CARD14: variants seen among roughly 807,000 people sequenced by gnomAD.
The protein encoded by CARD14 is caspase recruitment domain family member 14, also known as caspase recruitment domain-containing protein 14.
Under a neutral mutation model 111.5 loss-of-function variants are expected in CARD14, and 107 were observed. That is an observed-to-expected ratio of 0.96 (90% CI 0.82 to 1.13). The LOEUF is 1.13. Among genes scored for constraint, CARD14 ranks in the 50% most tolerant of loss-of-function variants. CARD14 has a pLI of 0.00. For missense variants in CARD14, 1,322 were observed against 1,362.3 expected, an observed-to-expected ratio of 0.97 and a Z score of 0.47; for synonymous variants, 617 against 579.6, an observed-to-expected ratio of 1.06 and a Z score of -0.93.
At chr17:80,187,312 G>A (rs1352576622) in intron 7 of CARD14, among the ~76,000 whole-genome samples, 13 of 152,122 alleles carry the variant, frequency 8.5e-5, no homozygotes, top group Admixed American at 7.9e-4. Flanking sequence ...ACCTCCCCCC[G>A]CCAGCCAATC....
rs2041361338 is a variant in CARD14 at position 80,207,074 on chromosome 17, A to C, written c.2796A>C (p.Ala932=). The part of the protein sequence containing the change: ...VIHVSVNEKM[A]KKLKKGLQRL... ...ACGTCTCTGTCAACGAGAAGATGGC[A>C]AAGAAGCTCAAGTAGGTGCACGCTG... Residue 932 remains alanine (A), a synonymous_variant, in exon 23 of 24, where the codon GCA becomes GCC. Transcript: ENST00000648509. The C allele has an allele frequency of 6.2e-7, 1 of 1,613,404 alleles. No individual in the cohort carries two copies. The highest frequency in any genetic ancestry group is 1.3e-5 in the African/African-American group (1 of 75,040).
At chr17:80,204,918 A>T (rs750388983) in intron 20 of CARD14, 117 bp from the exon 21 acceptor site, 13 of 855,078 alleles carry the variant, frequency 1.5e-5, no homozygotes, top group East Asian at 1.4e-4. Flanking sequence ...TGCCCCTGGA[A>T]TTCTAGGTGC....
At chr17:80,187,974 T>C in intron 7 of CARD14, 3 of 987,340 alleles carry the variant, frequency 3.0e-6, no homozygotes, top group Non-Finnish European at 3.6e-6. Flanking sequence ...TCTTACTGAT[T>C]TCCATGACTC....
In CARD14 at chr17:80,199,561, C is replaced by CAA. The variant is rs34737700; in HGVS notation, c.1851+989_1851+990dup. Among the ~76,000 whole-genome samples, 373 of 68,756 alleles carry CAA rather than the reference C, an allele frequency of 5.4e-3. 8 individuals carry two copies. The highest frequency in any genetic ancestry group is 0.015 in the African/African-American group (242 of 16,284). 45.1% of individuals were successfully genotyped at this position (68,756 alleles called of 152,430 possible). ...TGGGTGACAGAGCAAAGCCTTGTCT[C>CAA]AAAAAAAAAAAAAAAAAAAAGAAAA... On this transcript the variant is annotated intron_variant, in intron 16 of 23. Coordinates refer to ENST00000648509, the MANE Select transcript of CARD14 (RefSeq NM_001366385.1).
chr17:80,184,078 A>C lies in CARD14; in HGVS notation c.515A>C (p.Gln172Pro), dbSNP rs1397630527. 6.3e-7 allele frequency: 1 copy of C among 1,585,604 alleles called. No homozygotes were observed. Among genetic ancestry groups the C allele is most frequent in the Non-Finnish European group, 8.6e-7 (1 of 1,166,694 alleles). Residue 172 changes from glutamine (Q) to proline (P), a missense_variant, in exon 7 of 24, where the codon CAG (glutamine) becomes CCG (proline). Gln to Pro is a moderately conservative substitution (Grantham distance 76). Coordinates refer to ENST00000648509, the MANE Select transcript of CARD14 (RefSeq NM_001366385.1). ...LAETRAEGLH[Q>P]LEADHSRMKR... ...GAGACCCGTGCCGAGGGCCTGCACC[A>C]GCTGGAGGCTGACCACAGCCGCATG...
At chr17:80,202,747 C>A in intron 18 of CARD14, 1 of 458,012 alleles carries the variant, frequency 2.2e-6, no homozygotes, top group Non-Finnish European at 3.4e-6. Context: ...TATAGAGCAG[C>A]ATCCCTGGCC....
At chr17:80,192,702 C>G in intron 12 of CARD14, 83 bp downstream of exon 12, 1 of 889,966 alleles carries the variant, frequency 1.1e-6, no homozygotes, top group South Asian at 1.5e-5. Context: ...GAAAGTGAGC[C>G]TCCTTCCACC....
chr17:80,175,804 C>T (rs12945067), intron 2 of CARD14, among the ~76,000 whole-genome samples: 41,733 of 151,654 alleles, frequency 0.28, 5,920 homozygotes, highest in Middle Eastern at 0.36. Context: ...GTGTCCCACG[C>T]ACTGTGGACC....
rs1043628741 is a variant in CARD14, at chr17:80,181,640, A to C, written c.202A>C (p.Met68Leu). ...LHSPRLTNSA[M>L]RAGHLLDLLK... ...CAGCCCCCGGCTCACCAACAGCGCC[A>C]TGCGGGCCGGTGAGCGCAGCTCCCT... Residue 68 changes from methionine (M) to leucine (L), a missense_variant, in exon 5 of 24, where the codon ATG becomes CTG. Physicochemically the swap from Met to Leu is conservative, Grantham distance 15. Transcript: ENST00000648509. 1 of 1,547,986 alleles carries C rather than the reference A, an allele frequency of 6.5e-7. No homozygotes were observed. The highest frequency in any genetic ancestry group is 8.7e-7 in the Non-Finnish European group (1 of 1,146,806).
In CARD14 at chr17:80,202,386, A is replaced by G; in HGVS notation, c.2185A>G (p.Thr729Ala). 1 of 1,613,034 alleles carries G rather than the reference A, an allele frequency of 6.2e-7. No individual in the cohort carries two copies. The highest frequency in any genetic ancestry group is 1.1e-5 in the South Asian group (1 of 91,066). Residue 729 changes from threonine to alanine, a missense_variant, in exon 18 of 24, where the codon ACT becomes GCT. Physicochemically the swap from Thr to Ala is moderately conservative, Grantham distance 58. Transcript: ENST00000648509. ...HRVNSYTMKDTAAHGTIPNYS... is the reference protein window; with the variant it reads ...HRVNSYTMKDAAAHGTIPNYS... ...CGTGAACTCTTACACCATGAAGGAT[A>G]CTGCCGCGCACGGCACCATCCCCAA... is the stretch of plus-strand genomic sequence containing the variant.
rs145167842 is a variant in CARD14, at chr17:80,189,840, C to A, written c.931C>A (p.Arg311=). 469 of 1,590,942 alleles carry A rather than the reference C, an allele frequency of 2.9e-4. 1 individual carries two copies. In the African/African-American group the frequency reaches 5.5e-3, roughly 19 times the overall value. ...LVERIHSLRE[R]AVAAERQREQ... ...GGAGCGCATCCACTCGCTGCGGGAG[C>A]GGGCCGTGGCTGCCGAGAGGCAGCG... is the stretch of plus-strand genomic sequence containing the variant. Residue 311 remains arginine, a synonymous_variant, in exon 9 of 24, where the codon CGG becomes AGG. Transcript: ENST00000648509. This position sits in a 1 kb window ranked among gnomAD's most constrained non-coding sequence, Gnocchi z 4.7.
rs201163546 is a variant in CARD14 at position 80,190,756 on chromosome 17, G to A, written c.964-18G>A. 98 of 1,613,512 alleles carry A rather than the reference G, an allele frequency of 6.1e-5. No individual in the cohort carries two copies. In the African/African-American group the frequency reaches 9.9e-4, roughly 16 times the overall value. ...AGAGCTGCTGAGCTTCACGGTCCATGTGTCCCACTCTGTCCAGTACTGGGA... is the reference window on the plus strand; with the variant it reads ...AGAGCTGCTGAGCTTCACGGTCCATATGTCCCACTCTGTCCAGTACTGGGA... On this transcript the variant is annotated intron_variant, in intron 9 of 23. Coordinates refer to ENST00000648509, the MANE Select transcript of CARD14 (RefSeq NM_001366385.1).
chr17:80,201,509 G>C lies in CARD14; in HGVS notation c.1852-235G>C. The C allele has an allele frequency of 7.3e-6, 4 of 545,680 alleles. No homozygotes were observed. Among genetic ancestry groups the C allele is most frequent in the Non-Finnish European group, 1.3e-5 (4 of 307,632 alleles). 33.8% of individuals were successfully genotyped at this position (545,680 alleles called of 1,614,324 possible). ...TCACAAAGAACCCCCGATCTCGACT[G>C]GGGAAGGGTTGGCAGTTGACTCTCT... On this transcript the variant is annotated intron_variant, in intron 16 of 23. Coordinates refer to ENST00000648509, the MANE Select transcript of CARD14 (RefSeq NM_001366385.1). This position sits in a 1 kb window ranked among gnomAD's most constrained non-coding sequence, Gnocchi z 5.0.
At position 80,205,511 on chromosome 17, in the gene CARD14, C is replaced by T. The variant is rs757458391; in HGVS notation, c.2570-20C>T. ...CCCACACAGCTGGTCTATGATGGCC[C>T]CGTCCAATGTCACCTGTAGAGTACT... On this transcript the variant is annotated intron_variant, in intron 21 of 23. Coordinates refer to ENST00000648509, the MANE Select transcript of CARD14 (RefSeq NM_001366385.1). 3.2e-6 allele frequency: 5 copies of T among 1,578,526 alleles called. No individual in the cohort carries two copies. In the South Asian group the frequency reaches 5.8e-5, roughly 18 times the overall value.
intron 12 of CARD14, among the ~76,000 whole-genome samples, chr17:80,194,274 A>G (rs1429731126): frequency 2.0e-5 from 3 of 152,084 alleles, no homozygotes; most frequent in African/African-American, 4.8e-5. Context: ...TCACTGGTCC[A>G]CGGGTGCCCG....
intron 12 of CARD14, 53 bp downstream of exon 12, chr17:80,192,672 A>AG: frequency 7.3e-7 from 1 of 1,364,830 alleles, no homozygotes; most frequent in South Asian, 1.2e-5. Context: ...GGGCCAGCCC[A>AG]GGGGCCTCTC....
In CARD14 at chr17:80,181,655, C is replaced by T. The variant is rs1012573570; in HGVS notation, c.211+6C>T. 1.0e-5 allele frequency: 16 copies of T among 1,538,604 alleles called. No individual in the cohort carries two copies. The highest frequency in any genetic ancestry group is 5.9e-5 in the Admixed American group (3 of 50,760). ...CAACAGCGCCATGCGGGCCGGTGAG[C>T]GCAGCTCCCTCTTCCCCACCTCTTC... is the stretch of plus-strand genomic sequence containing the variant. On this transcript the variant is annotated splice_donor_region_variant and intron_variant, in intron 5 of 23. Coordinates refer to ENST00000648509, the MANE Select transcript of CARD14 (RefSeq NM_001366385.1).
chr17:80,171,205 C>CCCTTCCTTCCTTCCTTCCTTCCTTCCTT (rs59738447), intron 1 of CARD14, among the ~76,000 whole-genome samples: 4 of 41,126 alleles, frequency 9.7e-5, no homozygotes. Context: ...CTCCCTCCCT[C>CCCTTCCTTCCTTCCTTCCTTCCTTCCTT]CCTTCCTTCC....
Position 80,198,445 on chromosome 17 carries a change from G to A in CARD14, c.1705G>A (p.Val569Ile), listed in dbSNP as rs199643115. The change falls in exon 16 of 24, where the codon GTC becomes ATC. Residue 569 changes from valine (V) to isoleucine (I), a missense_variant. Transcript: ENST00000648509. This position sits in a 1 kb window ranked among gnomAD's most constrained non-coding sequence, Gnocchi z 7.5. Reference protein sequence around the residue: ...RRPARRILSQVTMLAFQGDAL... With the variant: ...RRPARRILSQITMLAFQGDAL... ...GCCAGCCCGCAGGATCCTGAGCCAG[G>A]TCACCATGCTGGCGTTCCAGGGGGA... 15 of 1,611,762 alleles carry A rather than the reference G, an allele frequency of 9.3e-6. No individual in the cohort carries two copies. In the Admixed American group the frequency reaches 2.5e-4, roughly 27 times the overall value.
Sources: gnomAD v4.1 joint callset for allele counts (sites outside exome capture counted in the v4.1 genomes callset) on GRCh38, gnomAD v4.1.1 for gene constraint, Gnocchi (gnomAD v3.1) non-coding constraint, MANE v1.5 for transcripts, NCBI Gene and HGNC (gene_info 2026-07-23, HGNC 2026-07-21) for gene names.